The following DOCK4 variants were observed in gnomAD, a reference collection of about 807,000 sequenced individuals.
The protein encoded by DOCK4 is dedicator of cytokinesis 4.
In DOCK4, 97 loss-of-function variants were observed where a neutral mutation model predicts 268.1. The ratio of observed to expected loss-of-function variants is 0.36; its 90% confidence interval spans 0.31 to 0.43. DOCK4 has a LOEUF of 0.43. Among genes scored for constraint, DOCK4 ranks in the 20% least tolerant of loss-of-function variants. The pLI is 1.00. For synonymous variants in DOCK4, 954 were observed against 887.2 expected (o/e 1.08, Z -1.34); for missense variants, 2,145 against 2,455.7 (o/e 0.87, Z 2.67).
chr7:111,983,854 G>GCACACACA (rs57739762), intron 7 of DOCK4, among the ~76,000 whole-genome samples: 4 of 87,958 alleles, frequency 4.5e-5, no homozygotes, highest in African/African-American at 1.6e-4. Flanking sequence ...ACGCGCGCGC[G>GCACACACA]CGCGCGCGCA....
chr7:111,929,081 G>A (rs1793975550), intron 12 of DOCK4, among the ~76,000 whole-genome samples: 1 of 152,014 alleles, frequency 6.6e-6, no homozygotes, highest in Non-Finnish European at 1.5e-5. Context: ...GGCAGCTCAG[G>A]AAAAGAAATG....
intron 3 of DOCK4, among the ~76,000 whole-genome samples, chr7:111,999,581 GAGTAA>G (rs771204665): frequency 9.9e-5 from 15 of 151,898 alleles, no homozygotes; most frequent in African/African-American, 3.6e-4. Flanking sequence ...GTTAAATGAG[GAGTAA>G]AGTATTTAAA....
rs1196158524 is a variant in DOCK4, at chr7:111,727,698, G to A, written c.*576C>T. On this transcript the variant is annotated 3_prime_UTR_variant, in exon 53 of 53. Coordinates refer to ENST00000428084, the MANE Select transcript of DOCK4 (RefSeq NM_001363540.2). The stretch of plus-strand genomic sequence containing the variant: ...TGTAGACAGCAGTCAAACAGCAAAA[G>A]CAACCTTAAAGAAGTATTTTGTTTC... 1.3e-5 allele frequency: 2 copies of A among 152,270 alleles called. No homozygotes were observed. The highest frequency in any genetic ancestry group is 4.8e-5 in the African/African-American group (2 of 41,426). 9.4% of individuals were successfully genotyped at this position (152,270 alleles called of 1,614,324 possible). A position where few individuals can be genotyped will look rare whatever the true frequency, so the allele number is the denominator to read the frequency against.
intron 25 of DOCK4, among the ~76,000 whole-genome samples, chr7:111,842,942 G>C (rs1260599637): frequency 6.6e-6 from 1 of 152,202 alleles, no homozygotes; most frequent in Non-Finnish European, 1.5e-5. Flanking sequence ...CACAAAGCCA[G>C]CTAAAACAGA....
rs143276774 is a variant in DOCK4 at position 111,852,199 on chromosome 7, G to A, written c.2474-5073C>T. ...GGCTGGTCTTGAACTCCTCCGCTCA[G>A]GCAATTCATCCTTCTTGGCCTTCCA... is the stretch of plus-strand genomic sequence containing the variant. On this transcript the variant is annotated intron_variant, in intron 23 of 52. Coordinates refer to ENST00000428084, the MANE Select transcript of DOCK4 (RefSeq NM_001363540.2). 2.8e-3 allele frequency among the ~76,000 whole-genome samples: 432 copies of A among 152,086 alleles called. 4 individuals are homozygous for A. The highest frequency in any genetic ancestry group is 0.021 in the East Asian group (106 of 5,156).
At chr7:112,077,384 C>T (rs1333307135) in intron 1 of DOCK4, among the ~76,000 whole-genome samples, 2 of 151,830 alleles carry the variant, frequency 1.3e-5, no homozygotes, top group Non-Finnish European at 2.9e-5. Flanking sequence ...TAAAATGAAA[C>T]CCAATTTAGA....
At chr7:111,794,486 G>A (rs1024826285) in intron 30 of DOCK4, among the ~76,000 whole-genome samples, 6 of 152,224 alleles carry the variant, frequency 3.9e-5, no homozygotes, top group Non-Finnish European at 7.3e-5. Context: ...GGACAAGAGA[G>A]GAGCTGACTA....
chr7:111,960,506 G>A lies in DOCK4; in HGVS notation c.702-14708C>T, dbSNP rs576113593. Among the ~76,000 whole-genome samples, 3 of 145,732 alleles carry A rather than the reference G, an allele frequency of 2.1e-5. No individual in the cohort carries two copies. In the East Asian group the frequency reaches 6.0e-4, roughly 29 times the overall value. ...GCTAACCTACCATGAGGTAAAACAC[G>A]TGCTTTACCTCATGTGCTTTTTTTT... On this transcript the variant is annotated intron_variant, in intron 8 of 52. Coordinates refer to ENST00000428084, the MANE Select transcript of DOCK4 (RefSeq NM_001363540.2).
chr7:111,929,705 G>A lies in DOCK4; in HGVS notation c.1066+5835C>T, dbSNP rs115690567. 8.9e-3 allele frequency among the ~76,000 whole-genome samples: 1,361 copies of A among 152,204 alleles called. 23 individuals carry two copies. Among genetic ancestry groups the A allele is most frequent in the African/African-American group, 0.032 (1,314 of 41,518 alleles). The stretch of plus-strand genomic sequence containing the variant: ...TCCTGAATAGAGTTAAACTGCTCTC[G>A]CTATATATTGTGGTCTCCTTATGGA... On this transcript the variant is annotated intron_variant, in intron 12 of 52. Transcript: ENST00000428084.
intron 12 of DOCK4, among the ~76,000 whole-genome samples, chr7:111,919,378 A>T (rs1792908802): frequency 6.6e-6 from 1 of 152,152 alleles, no homozygotes; most frequent in Non-Finnish European, 1.5e-5. Context: ...AAGGACAGAG[A>T]GGACCCATTT....
chr7:112,109,744 CTTTTTT>C (rs36043991), intron 1 of DOCK4, among the ~76,000 whole-genome samples: 7 of 115,176 alleles, frequency 6.1e-5, no homozygotes, highest in East Asian at 2.5e-4. Flanking sequence ...GTAAAATCAT[CTTTTTT>C]TTTTTTTTTT....
chr7:112,204,233 C>T (rs1175644696), intron 1 of DOCK4, among the ~76,000 whole-genome samples: 1 of 152,136 alleles, frequency 6.6e-6, no homozygotes, highest in Non-Finnish European at 1.5e-5. Flanking sequence ...CTAATCGATA[C>T]CAGCACCCCA....
chr7:112,137,950 A>G (rs144311143), intron 1 of DOCK4, among the ~76,000 whole-genome samples: 307 of 152,372 alleles, frequency 2.0e-3, no homozygotes, highest in African/African-American at 6.9e-3. Context: ...CTTAGCACAC[A>G]GTCAACATTC....
At chr7:111,897,356 G>C (rs1167342718) in intron 15 of DOCK4, among the ~76,000 whole-genome samples, 1 of 152,094 alleles carries the variant, frequency 6.6e-6, no homozygotes, top group East Asian at 1.9e-4. Context: ...CAACCTACTA[G>C]ATAGTCTTTC....
intron 1 of DOCK4, among the ~76,000 whole-genome samples, chr7:112,138,522 A>T (rs1814577757): frequency 6.6e-6 from 1 of 152,214 alleles, no homozygotes; most frequent in Non-Finnish European, 1.5e-5. Context: ...CAGGCAGCAC[A>T]TGTTGAGACG....
chr7:111,768,377 A>T (rs1263085879), intron 37 of DOCK4, among the ~76,000 whole-genome samples: 1 of 152,218 alleles, frequency 6.6e-6, no homozygotes, highest in Non-Finnish European at 1.5e-5. Context: ...GTACCTAGAT[A>T]AATAATAAAG....
rs1458506681 is a variant in DOCK4 at position 111,821,941 on chromosome 7, G to A, written c.2930+421C>T. On this transcript the variant is annotated intron_variant, in intron 27 of 52. Coordinates refer to ENST00000428084, the MANE Select transcript of DOCK4 (RefSeq NM_001363540.2). ...TCATTCAATGCAATATTATTCAGCTGTAAAGGAAAATACACAGAAGAATGA... is the reference window on the plus strand; with the variant it reads ...TCATTCAATGCAATATTATTCAGCTATAAAGGAAAATACACAGAAGAATGA... 2.6e-5 allele frequency among the ~76,000 whole-genome samples: 4 copies of A among 152,334 alleles called. No individual in the cohort carries two copies. In the South Asian group the frequency reaches 6.2e-4, roughly 24 times the overall value.
chr7:112,204,976 TTC>T (rs554164199), intron 1 of DOCK4, among the ~76,000 whole-genome samples: 73 of 152,048 alleles, frequency 4.8e-4, no homozygotes, highest in African/African-American at 1.7e-3. Context: ...CCATAATGCT[TTC>T]TGTTAGACCT....
At chr7:111,944,660 G>A in intron 10 of DOCK4, 151 bp downstream of exon 10, 3 of 738,096 alleles carry the variant, frequency 4.1e-6, no homozygotes, top group South Asian at 3.7e-5. Context: ...AAGGTCTGGG[G>A]ACAATTCACA....
Sources: allele counts gnomAD v4.1 joint callset (sites outside exome capture counted in the v4.1 genomes callset), GRCh38; gene constraint gnomAD v4.1.1; transcripts MANE v1.5; gene names NCBI Gene and HGNC (gene_info 2026-07-23, HGNC 2026-07-21).